The following PTPRO variants were observed in gnomAD, a reference collection of about 807,000 sequenced individuals.
PTPRO encodes the protein protein tyrosine phosphatase receptor type O.
PTPRO carries 62 observed loss-of-function variants against 145.2 expected under a neutral mutation model. The ratio of observed to expected loss-of-function variants is 0.43; its 90% CI spans 0.35 to 0.53. The LOEUF (loss-of-function observed/expected upper bound fraction) is 0.53. Ranked by LOEUF, PTPRO falls within the 20% of genes least tolerant of loss-of-function variation. PTPRO has a pLI of 0.01. For synonymous variants in PTPRO, 565 were observed against 514.7 expected (o/e 1.10, Z -1.32); for missense variants, 1,345 against 1,482.7 (o/e 0.91, Z 1.53).
chr12:15,379,212 G>A (rs1407170178), intron 1 of PTPRO, among the ~76,000 whole-genome samples: 3 of 151,766 alleles, frequency 2.0e-5, no homozygotes, highest in Admixed American at 6.6e-5. Flanking sequence ...GGTCAAAATC[G>A]GGACCAATCA....
intron 1 of PTPRO, among the ~76,000 whole-genome samples, chr12:15,442,231 G>C (rs193294813): frequency 6.6e-6 from 1 of 151,898 alleles, no homozygotes; most frequent in Non-Finnish European, 1.5e-5. Context: ...ACCACATAAA[G>C]AATTAAAAAC....
intron 12 of PTPRO, among the ~76,000 whole-genome samples, chr12:15,526,486 T>C (rs998748023): frequency 6.6e-6 from 1 of 152,202 alleles, no homozygotes; most frequent in East Asian, 1.9e-4. Context: ...CGCTGTTCTT[T>C]GTAAGGTTAA....
Position 15,587,056 on chromosome 12 carries a change from C to A in PTPRO, c.3410+5C>A, listed in dbSNP as rs1236304272. 1.2e-6 allele frequency: 2 copies of A among 1,613,830 alleles called. No individual in the cohort carries two copies. Among genetic ancestry groups the A allele is most frequent in the African/African-American group, 2.7e-5 (2 of 74,898 alleles). On this transcript the variant is annotated splice_donor_5th_base_variant and intron_variant, in intron 24 of 26. Transcript: ENST00000281171. Reference sequence around the variant, plus strand: ...TCCCATGATCATTCACTGCAGGTAACCTCATCAACTGCATTTTCTATTAAA... The same window carrying A: ...TCCCATGATCATTCACTGCAGGTAAACTCATCAACTGCATTTTCTATTAAA...
chr12:15,515,977 T>G (rs1025357610), intron 8 of PTPRO, among the ~76,000 whole-genome samples: 20 of 112,438 alleles, frequency 1.8e-4, no homozygotes, highest in South Asian at 7.2e-4. Context: ...GTTTGTCTGG[T>G]TTTTTTTTTG....
intron 1 of PTPRO, chr12:15,439,576 C>G: frequency 3.6e-6 from 1 of 274,136 alleles, no homozygotes; most frequent in Non-Finnish European, 7.2e-6. Flanking sequence ...CTCGGGGGCC[C>G]TGGGATGGGG....
At chr12:15,511,003 C>CAAAAAAAAAA (rs10648692) in intron 7 of PTPRO, among the ~76,000 whole-genome samples, 99 of 105,364 alleles carry the variant, frequency 9.4e-4, no homozygotes, top group Middle Eastern at 5.3e-3. Flanking sequence ...TCTGTCTCCA[C>CAAAAAAAAAA]AAAAAAAAAA....
chr12:15,583,603 C>A (rs748751567), intron 23 of PTPRO, among the ~76,000 whole-genome samples: 11 of 152,114 alleles, frequency 7.2e-5, no homozygotes, highest in Non-Finnish European at 1.3e-4. Context: ...TAGAACACAG[C>A]CTGCATTGTT....
rs1041806293 is a variant in PTPRO, at chr12:15,597,871, G to A, written c.*1798G>A. On this transcript the variant is annotated 3_prime_UTR_variant, in exon 27 of 27. Coordinates refer to ENST00000281171, the MANE Select transcript of PTPRO (RefSeq NM_030667.3). ...GGAACAAACATGGTTAATGAAAGGTGGCAAAGGGATGTGTGACATTCTTAG... is the reference window on the plus strand; with the variant it reads ...GGAACAAACATGGTTAATGAAAGGTAGCAAAGGGATGTGTGACATTCTTAG... 3.9e-5 allele frequency among the ~76,000 whole-genome samples: 6 copies of A among 152,154 alleles called. No homozygotes were observed. The highest frequency in any genetic ancestry group is 1.4e-4 in the African/African-American group (6 of 41,436).
At chr12:15,344,142 A>G (rs965747481) in intron 1 of PTPRO, among the ~76,000 whole-genome samples, 3 of 152,234 alleles carry the variant, frequency 2.0e-5, no homozygotes, top group Admixed American at 2.0e-4. Flanking sequence ...AACACAAGAA[A>G]TAATAATGAG....
intron 1 of PTPRO, among the ~76,000 whole-genome samples, chr12:15,389,173 G>A (rs1020900630): frequency 2.8e-4 from 42 of 149,354 alleles, no homozygotes; most frequent in African/African-American, 9.7e-4. Flanking sequence ...GCGCGATCTC[G>A]GCTCACTGCA....
rs537991082 is a variant in PTPRO at position 15,439,647 on chromosome 12, G to A, written c.76-44327G>A. The stretch of plus-strand genomic sequence containing the variant: ...CATCTGGGCTGTGGTCACAGCCATG[G>A]ACAGAGCTGGGGCTGAGGCCACGGA... On this transcript the variant is annotated intron_variant, in intron 1 of 26. Transcript: ENST00000281171. 1,106 of 401,166 alleles carry A rather than the reference G, an allele frequency of 2.8e-3. 12 individuals carry two copies. The highest frequency in any genetic ancestry group is 0.022 in the African/African-American group (1,053 of 48,506). 24.9% of individuals were successfully genotyped at this position (401,166 alleles called of 1,614,324 possible).
chr12:15,524,177 A>AAAG (rs11409963), intron 10 of PTPRO, among the ~76,000 whole-genome samples: 2 of 150,440 alleles, frequency 1.3e-5, no homozygotes, highest in Non-Finnish European at 3.0e-5. Context: ...AAAAAAAAAA[A>AAAG]CTTGTTCTTC....
chr12:15,405,900 T>G (rs1205229475), intron 1 of PTPRO, among the ~76,000 whole-genome samples: 1 of 151,922 alleles, frequency 6.6e-6, no homozygotes, highest in Non-Finnish European at 1.5e-5. Context: ...GACAAAGAAG[T>G]GGGAGAGAGT....
rs113662052 is a variant in PTPRO at position 15,361,658 on chromosome 12, C to T, written c.75+38857C>T. On this transcript the variant is annotated intron_variant, in intron 1 of 26. Coordinates refer to ENST00000281171, the MANE Select transcript of PTPRO (RefSeq NM_030667.3). ...TACATTCAGCAGTGCGTTTAGTTTG[C>T]GGAAGAGCAGAATGACTAAATGAAT... is the stretch of plus-strand genomic sequence containing the variant. Among the ~76,000 whole-genome samples the T allele has an allele frequency of 1.5e-3, 231 of 151,974 alleles. 2 individuals are homozygous for T. Among genetic ancestry groups the T allele is most frequent in the African/African-American group, 5.4e-3 (225 of 41,456 alleles).
chr12:15,533,813 T>C (rs1943014075), intron 12 of PTPRO, among the ~76,000 whole-genome samples: 1 of 152,170 alleles, frequency 6.6e-6, no homozygotes, highest in Admixed American at 6.5e-5. Context: ...ATGCCATTGT[T>C]AAAGCTGGGG....
At chr12:15,423,456 T>C (rs1438113693) in intron 1 of PTPRO, among the ~76,000 whole-genome samples, 1 of 152,126 alleles carries the variant, frequency 6.6e-6, no homozygotes, top group African/African-American at 2.4e-5. Flanking sequence ...GAAGTGTAAA[T>C]TGAGGTGGGT....
chr12:15,576,043 A>C (rs59444784), intron 19 of PTPRO, among the ~76,000 whole-genome samples: 5 of 152,176 alleles, frequency 3.3e-5, no homozygotes, highest in African/African-American at 1.2e-4. Context: ...ACTACAGATG[A>C]CTGTATAGCC....
At chr12:15,428,807 C>G (rs536773286) in intron 1 of PTPRO, among the ~76,000 whole-genome samples, 1 of 152,174 alleles carries the variant, frequency 6.6e-6, no homozygotes, top group East Asian at 1.9e-4. Context: ...CAGGGTCATC[C>G]CGTGGTCTAA....
intron 1 of PTPRO, among the ~76,000 whole-genome samples, chr12:15,384,981 A>T (rs11608413): frequency 0.15 from 22,288 of 152,150 alleles, 3,692 homozygotes; most frequent in African/African-American, 0.41. Flanking sequence ...AAATTGTTAC[A>T]TTTGTGAACC....
Sources: allele counts gnomAD v4.1 joint callset (sites outside exome capture counted in the v4.1 genomes callset), GRCh38; gene constraint gnomAD v4.1.1; transcripts MANE v1.5; gene names NCBI Gene and HGNC (gene_info 2026-07-23, HGNC 2026-07-21).